GRM7: variants seen among roughly 807,000 people sequenced by gnomAD.
The protein encoded by GRM7 is glutamate metabotropic receptor 7.
Under a neutral mutation model 84.5 loss-of-function variants are expected in GRM7, and 35 were observed. The observed-to-expected ratio is 0.41, with a 90% confidence interval of 0.32 to 0.55. The LOEUF is 0.55. Among genes scored for constraint, GRM7 ranks in the 20% least tolerant of loss-of-function variants. GRM7 has a pLI of 0.19. For synonymous variants in GRM7, 487 were observed against 455.1 expected (o/e 1.07, Z -0.89); for missense variants, 1,003 against 1,194.6 (o/e 0.84, Z 2.36).
At chr3:6,902,189 A>T (rs1696411961) in intron 1 of GRM7, among the ~76,000 whole-genome samples, 1 of 152,208 alleles carries the variant, frequency 6.6e-6, no homozygotes, top group Non-Finnish European at 1.5e-5. Flanking sequence ...TGAAGCACAT[A>T]CTTCTAATAC....
At chr3:7,625,720 G>GAGCC in intron 8 of GRM7, among the ~76,000 whole-genome samples, 1 of 152,164 alleles carries the variant, frequency 6.6e-6, no homozygotes, top group African/African-American at 2.4e-5. Flanking sequence ...TTCCCTGTCT[G>GAGCC]CTTCTGCCCT....
intron 2 of GRM7, among the ~76,000 whole-genome samples, chr3:7,244,742 G>A (rs1697692882): frequency 6.6e-6 from 1 of 152,030 alleles, no homozygotes; most frequent in Admixed American, 6.6e-5. Context: ...CTTTGACAAT[G>A]TACCATTCAT....
At chr3:7,556,093 G>A (rs542959195) in intron 7 of GRM7, among the ~76,000 whole-genome samples, 1 of 152,234 alleles carries the variant, frequency 6.6e-6, no homozygotes, top group South Asian at 2.1e-4. Flanking sequence ...CCAAGATCAA[G>A]GTGCTGGCAG....
intron 4 of GRM7, among the ~76,000 whole-genome samples, chr3:7,409,458 T>G (rs1695821342): frequency 6.6e-6 from 1 of 152,138 alleles, no homozygotes. Flanking sequence ...GGTAGCTATT[T>G]TAATTGTGCT....
intron 8 of GRM7, among the ~76,000 whole-genome samples, chr3:7,589,069 G>A (rs1695654827): frequency 1.3e-5 from 2 of 152,124 alleles, no homozygotes; most frequent in South Asian, 2.1e-4. Context: ...TGTTTCTCTG[G>A]TAACCTTCCC....
chr3:7,464,141 C>T (rs1015775221), intron 7 of GRM7, among the ~76,000 whole-genome samples: 1 of 152,114 alleles, frequency 6.6e-6, no homozygotes, highest in African/African-American at 2.4e-5. Flanking sequence ...CGGGAAGCCT[C>T]AATATTTGCT....
At chr3:7,168,476 C>A (rs906215376) in intron 2 of GRM7, among the ~76,000 whole-genome samples, 11 of 152,108 alleles carry the variant, frequency 7.2e-5, no homozygotes, top group Non-Finnish European at 1.6e-4. Context: ...CTCTTTCCAC[C>A]ATGCAAGGTA....
At chr3:6,927,463 G>GAGAAAGAAAGAAAGAAAGAA (rs796767040) in intron 1 of GRM7, among the ~76,000 whole-genome samples, 1 of 93,218 alleles carries the variant, frequency 1.1e-5, no homozygotes, top group Non-Finnish European at 2.6e-5. Context: ...GAAAGAGAGA[G>GAGAAAGAAAGAAAGAAAGAA]AGAAAGAAAG....
chr3:6,869,892 CCTT>C (rs1054507430), intron 1 of GRM7, among the ~76,000 whole-genome samples: 2 of 152,126 alleles, frequency 1.3e-5, no homozygotes, highest in East Asian at 3.9e-4. Context: ...AAGCTTTACT[CCTT>C]CTTTCCTTAT....
At chr3:7,733,362 C>G (rs1181249408) in intron 9 of GRM7, among the ~76,000 whole-genome samples, 2 of 152,200 alleles carry the variant, frequency 1.3e-5, no homozygotes, top group African/African-American at 4.8e-5. Context: ...ACCTCACAAA[C>G]TGAATACCAG....
At position 7,547,969 on chromosome 3, in the gene GRM7, CA is replaced by C. The variant is rs1693251886; in HGVS notation, c.1516-30447del. On this transcript the variant is annotated intron_variant, in intron 7 of 9. Transcript: ENST00000357716. The stretch of plus-strand genomic sequence containing the variant: ...TGACTATGGATTCTGAAATGAAGCC[CA>C]AAAAAGGCAGAGTGGTGGCCATGAA... Among the ~76,000 whole-genome samples the C allele has an allele frequency of 1.3e-5, 2 of 151,972 alleles. 1 individual carries two copies. The highest frequency in any genetic ancestry group is 2.9e-5 in the Non-Finnish European group (2 of 68,004).
chr3:6,991,725 C>A (rs528696200), intron 1 of GRM7, among the ~76,000 whole-genome samples: 29 of 152,252 alleles, frequency 1.9e-4, no homozygotes, highest in Admixed American at 3.3e-4. Flanking sequence ...TTACCACAAC[C>A]AAACTAATTA....
rs1038538285 is a variant in GRM7, at chr3:7,106,281, T to G, written c.520-40171T>G. ...ATAAAGCAATTCATTTTTCTTTTTT[T>G]TTTATTATACTTTAAGTTCTAGGGT... On this transcript the variant is annotated intron_variant, in intron 1 of 9. Transcript: ENST00000357716. Among the ~76,000 whole-genome samples, 5 of 151,914 alleles carry G rather than the reference T, an allele frequency of 3.3e-5. No homozygotes were observed. In the Admixed American group the frequency reaches 3.3e-4, roughly 10 times the overall value.
At chr3:7,043,387 C>T (rs1696698936) in intron 1 of GRM7, among the ~76,000 whole-genome samples, 1 of 152,168 alleles carries the variant, frequency 6.6e-6, no homozygotes, top group African/African-American at 2.4e-5. Context: ...GCTCCACCTG[C>T]ATTTCCTCTT....
intron 4 of GRM7, among the ~76,000 whole-genome samples, chr3:7,399,268 G>C (rs765188339): frequency 6.6e-6 from 1 of 151,950 alleles, no homozygotes; most frequent in Middle Eastern, 3.2e-3. Context: ...CTAAGCTCTA[G>C]ATCCAATCAC....
At chr3:7,040,741 T>C (rs183731136) in intron 1 of GRM7, among the ~76,000 whole-genome samples, 1 of 152,096 alleles carries the variant, frequency 6.6e-6, no homozygotes, top group East Asian at 1.9e-4. Flanking sequence ...GAAATGTAGA[T>C]CCTTAGGTGC....
intron 1 of GRM7, among the ~76,000 whole-genome samples, chr3:7,059,918 T>C (rs975555354): frequency 6.6e-6 from 1 of 151,854 alleles, no homozygotes; most frequent in African/African-American, 2.4e-5. Flanking sequence ...TTCTGTTGTT[T>C]ATAAGCTACC....
chr3:6,981,072 A>T (rs1694179835), intron 1 of GRM7, among the ~76,000 whole-genome samples: 2 of 152,216 alleles, frequency 1.3e-5, no homozygotes, highest in African/African-American at 2.4e-5. Flanking sequence ...TTCTGCCAAG[A>T]ATTTTCAGAA....
At chr3:7,452,578 G>A in intron 5 of GRM7, 29 bp from the exon 6 acceptor site, 1 of 1,279,496 alleles carries the variant, frequency 7.8e-7, no homozygotes, top group Non-Finnish European at 1.1e-6. Context: ...GTGTGTGTGT[G>A]TGTGTGTGTT....
Sources: gnomAD v4.1 joint callset for allele counts (sites outside exome capture counted in the v4.1 genomes callset) on GRCh38, gnomAD v4.1.1 for gene constraint, MANE v1.5 for transcripts, NCBI Gene and HGNC (gene_info 2026-07-23, HGNC 2026-07-21) for gene names.